TMEM145: variants seen among roughly 807,000 people sequenced by gnomAD.
TMEM145 encodes transmembrane protein 145.
Under a neutral mutation model 68.5 loss-of-function variants are expected in TMEM145, and 46 were observed. That is an observed-to-expected ratio of 0.67 (90% confidence interval 0.53 to 0.86). The LOEUF (loss-of-function observed/expected upper bound fraction) is 0.86. Among genes scored for constraint, TMEM145 ranks in the 40% least tolerant of loss-of-function variants. The probability of loss-of-function intolerance (pLI) is 0.00; values close to 1 mark genes in which losing one functional copy is unlikely to be tolerated. For missense variants in TMEM145, 570 were observed against 645.8 expected, an observed-to-expected ratio of 0.88 and a Z score of 1.27; for synonymous variants, 255 against 280.2, an observed-to-expected ratio of 0.91 and a Z score of 0.90.
In TMEM145 at chr19:42,313,418, G is replaced by T. The variant is rs2147410171; in HGVS notation, c.42G>T (p.Pro14=). The T allele has an allele frequency of 7.3e-7, 1 of 1,366,470 alleles. No homozygotes were observed. 84.6% of individuals were successfully genotyped at this position (1,366,470 alleles called of 1,614,324 possible). The part of the protein sequence containing the change: ...LRAPALRRLL[P]PLLLLLLSLP... Reference sequence around the variant, plus strand: ...CGCCCGCGCTGCGCCGCCTGCTGCCGCCGCTGCTGCTCCTGCTGCTGTCAC... The same window carrying T: ...CGCCCGCGCTGCGCCGCCTGCTGCCTCCGCTGCTGCTCCTGCTGCTGTCAC... Residue 14 remains proline, a synonymous_variant, in exon 1 of 15, where the codon CCG becomes CCT. Transcript: ENST00000301204. The surrounding 1 kb of genome is among the most constrained non-coding windows in gnomAD (Gnocchi z 5.1).
rs760568202 is a variant in TMEM145 at position 42,316,886 on chromosome 19, G to A, written c.823G>A (p.Ala275Thr). 1.6e-5 allele frequency: 26 copies of A among 1,613,428 alleles called. No homozygotes were observed. The highest frequency in any genetic ancestry group is 8.3e-5 in the Admixed American group (5 of 60,006). The change falls in exon 11 of 15, where the codon GCG becomes ACG. Residue 275 changes from alanine to threonine, a missense_variant. By Grantham distance (58) the Ala-to-Thr change is moderately conservative. Transcript: ENST00000301204. ...FTVTRGRISH[A>T]GSVKLSVYMT... ...TGCTGCCAGGGGCCGCATCAGCCACGCGGGCTCCGTGAAGTTGTCTGTCTA... is the reference window on the plus strand; with the variant it reads ...TGCTGCCAGGGGCCGCATCAGCCACACGGGCTCCGTGAAGTTGTCTGTCTA...
rs776190562 is a variant in TMEM145, at chr19:42,316,618, G to C, written c.728-44G>C. The C allele has an allele frequency of 6.8e-6, 11 of 1,613,600 alleles. No individual in the cohort carries two copies. The Admixed American group carries it at 1.8e-4, about 27-fold the overall frequency. The stretch of plus-strand genomic sequence containing the variant: ...AGCCCAGGGCTCAGGTTGGGCATCA[G>C]GTCTGAGCCTGGCTCTGAGCCGCCC... On this transcript the variant is annotated intron_variant, in intron 9 of 14. Transcript: ENST00000301204.
rs1555778808 is a variant in TMEM145 at position 42,324,795 on chromosome 19, C to G, written c.1460C>G (p.Pro487Arg). 6.4e-7 allele frequency: 1 copy of G among 1,569,856 alleles called. No individual in the cohort carries two copies. The highest frequency in any genetic ancestry group is 1.2e-5 in the South Asian group (1 of 86,438). Reference sequence around the variant, plus strand: ...CCGCTGTTCCGTGACCTCCGGCCCCCTGGCCCCCTTCGAGACCTCTGACCC... The same window carrying G: ...CCGCTGTTCCGTGACCTCCGGCCCCGTGGCCCCCTTCGAGACCTCTGACCC... ...GLPLFRDLRPPGPLRDL is the reference protein window; with the variant it reads ...GLPLFRDLRPRGPLRDL Residue 487 changes from proline to arginine, a missense_variant, in exon 15 of 15, where the codon CCT becomes CGT. Coordinates refer to ENST00000301204, the MANE Select transcript of TMEM145 (RefSeq NM_173633.3).
chr19:42,315,889 A>G (rs992216234), intron 8 of TMEM145, among the ~76,000 whole-genome samples: 2 of 152,078 alleles, frequency 1.3e-5, no homozygotes, highest in African/African-American at 2.4e-5. Flanking sequence ...AATTAGCTGG[A>G]CATGGTGGCG....
chr19:42,324,645 C>G, intron 14 of TMEM145, 92 bp from the exon 15 acceptor site: 1 of 1,274,810 alleles, frequency 7.8e-7, no homozygotes, highest in Non-Finnish European at 9.9e-7. Flanking sequence ...CTTCCCACCC[C>G]GCGCGCCCAG....
At chr19:42,315,324 G>T (rs1196491022) in intron 7 of TMEM145, 48 bp from the exon 8 acceptor site, 1 of 1,613,924 alleles carries the variant, frequency 6.2e-7, no homozygotes, top group Non-Finnish European at 8.5e-7. Context: ...GAGGTGAGCT[G>T]CTCTCCCTTT....
rs1441438533 is a variant in TMEM145 at position 42,320,170 on chromosome 19, G to C, written c.1074-147G>C. On this transcript the variant is annotated intron_variant, in intron 12 of 14. Coordinates refer to ENST00000301204, the MANE Select transcript of TMEM145 (RefSeq NM_173633.3). ...CCCAGTCCAGTCCTGCCCCATTTCA[G>C]TCTCTGGCTTCTGAAGGTCACACTG... The C allele has an allele frequency of 5.4e-6, 6 of 1,106,056 alleles. No individual in the cohort carries two copies. The Admixed American group carries it at 1.1e-4, about 21-fold the overall frequency. 68.5% of individuals were successfully genotyped at this position (1,106,056 alleles called of 1,614,324 possible).
intron 12 of TMEM145, among the ~76,000 whole-genome samples, chr19:42,319,845 C>T (rs1266790397): frequency 2.6e-5 from 4 of 151,542 alleles, no homozygotes; most frequent in East Asian, 1.9e-4. Flanking sequence ...CTGCAGCCTC[C>T]GCCTCCCAGG....
rs1568546653 is a variant in TMEM145, at chr19:42,315,277, G to T, written c.577+18G>T. 6.2e-7 allele frequency: 1 copy of T among 1,612,390 alleles called. No homozygotes were observed. Among genetic ancestry groups the T allele is most frequent in the Non-Finnish European group, 8.5e-7 (1 of 1,178,668 alleles). ...CTTTGGATGTGAGTCTGGCACATGG[G>T]GTGTGGGGGAAGAGATAGGAGGGAG... is the stretch of plus-strand genomic sequence containing the variant. On this transcript the variant is annotated intron_variant, in intron 7 of 14. Transcript: ENST00000301204.
In TMEM145 at chr19:42,315,273, A is replaced by T; in HGVS notation, c.577+14A>T. On this transcript the variant is annotated intron_variant, in intron 7 of 14. Coordinates refer to ENST00000301204, the MANE Select transcript of TMEM145 (RefSeq NM_173633.3). The stretch of plus-strand genomic sequence containing the variant: ...GTTACTTTGGATGTGAGTCTGGCAC[A>T]TGGGGTGTGGGGGAAGAGATAGGAG... 6.2e-7 allele frequency: 1 copy of T among 1,611,718 alleles called. No individual in the cohort carries two copies. The highest frequency in any genetic ancestry group is 1.7e-5 in the Admixed American group (1 of 59,946).
chr19:42,313,351 G>C lies in TMEM145; in HGVS notation c.-26G>C. On this transcript the variant is annotated 5_prime_UTR_variant, in exon 1 of 15. Transcript: ENST00000301204. The surrounding 1 kb of genome is among the most constrained non-coding windows in gnomAD (Gnocchi z 5.1). Reference sequence around the variant, plus strand: ...TTGCCGGGCCAGTGCGGGAGCCGGAGCGGAGCCGGGGCCGGAGCGGGCGGA... The same window carrying C: ...TTGCCGGGCCAGTGCGGGAGCCGGACCGGAGCCGGGGCCGGAGCGGGCGGA... 1 of 968,884 alleles carries C rather than the reference G, an allele frequency of 1.0e-6. No individual in the cohort carries two copies. Among genetic ancestry groups the C allele is most frequent in the Non-Finnish European group, 1.3e-6 (1 of 741,286 alleles). The allele number at this position is 968,884 out of a possible 1,614,324, so 60.0% of individuals were successfully genotyped here. A position where few individuals can be genotyped will look rare whatever the true frequency, so the allele number is the denominator to read the frequency against.
At chr19:42,314,186 G>C (rs568803478) in intron 1 of TMEM145, 86 bp from the exon 2 acceptor site, 1 of 1,453,838 alleles carries the variant, frequency 6.9e-7, no homozygotes, top group African/African-American at 1.4e-5. Flanking sequence ...CAGGTACCTG[G>C]GGGGTAGGGA....
At chr19:42,323,863 C>T (rs935024310) in intron 14 of TMEM145, 74 bp downstream of exon 14, 288 of 1,358,528 alleles carry the variant, frequency 2.1e-4, no homozygotes, top group Non-Finnish European at 2.9e-4. Flanking sequence ...CTCCCGGCCC[C>T]GCCGCCGCCC....
At chr19:42,315,585 G>A in intron 8 of TMEM145, 145 bp downstream of exon 8, 1 of 828,686 alleles carries the variant, frequency 1.2e-6, no homozygotes, top group Admixed American at 2.3e-5. Flanking sequence ...GGGTCCAAGG[G>A]AGAAGGGCCT....
chr19:42,320,370 G>A lies in TMEM145; in HGVS notation c.1127G>A (p.Trp376Ter). ...ALIANFGIPKWAREKIVNGIQ... is the reference protein window; with the variant it reads ...ALIANFGIPK ...ATTGCCAATTTCGGCATCCCCAAGT[G>A]GGCCCGGGAGAAGATTGTCAATGGC... The change falls in exon 13 of 15, where the codon TGG becomes TAG. Residue 376 changes from tryptophan to a stop codon, truncating the protein, a stop_gained. Coordinates refer to ENST00000301204, the MANE Select transcript of TMEM145 (RefSeq NM_173633.3). LOFTEE classifies it high-confidence loss of function. The A allele has an allele frequency of 6.2e-7, 1 of 1,614,148 alleles. No individual in the cohort carries two copies.
At chr19:42,321,458 C>T (rs539941802) in intron 13 of TMEM145, 6 of 234,618 alleles carry the variant, frequency 2.6e-5, no homozygotes, top group Middle Eastern at 1.4e-3. Context: ...GGTGCGATCT[C>T]GGCTCACTGC....
intron 1 of TMEM145, 84 bp from the exon 2 acceptor site, chr19:42,314,188 G>A: frequency 6.8e-7 from 1 of 1,468,438 alleles, no homozygotes; most frequent in African/African-American, 1.4e-5. Flanking sequence ...GGTACCTGGG[G>A]GGTAGGGAAG....
chr19:42,314,945 A>T, intron 5 of TMEM145, 48 bp from the exon 6 acceptor site: 6 of 1,613,476 alleles, frequency 3.7e-6, no homozygotes, highest in Non-Finnish European at 5.1e-6. Context: ...CTTCCTGCCA[A>T]CCCCCAACTT....
intron 13 of TMEM145, among the ~76,000 whole-genome samples, chr19:42,320,831 G>A (rs1374321725): frequency 6.6e-6 from 1 of 152,048 alleles, no homozygotes; most frequent in Non-Finnish European, 1.5e-5. Flanking sequence ...GTTTCACCAT[G>A]TTGGTCAGGC....
Sources: gnomAD v4.1 joint callset for allele counts (sites outside exome capture counted in the v4.1 genomes callset) on GRCh38, gnomAD v4.1.1 for gene constraint, Gnocchi (gnomAD v3.1) non-coding constraint, MANE v1.5 for transcripts, NCBI Gene and HGNC (gene_info 2026-07-23, HGNC 2026-07-21) for gene names.